LRRC1: variants seen among roughly 807,000 people sequenced by gnomAD.
LRRC1 encodes the protein leucine rich repeat containing 1.
A neutral mutation model predicts 69.9 loss-of-function variants in LRRC1; 28 were observed. The ratio of observed to expected loss-of-function variants is 0.40; its 90% CI spans 0.30 to 0.55. The LOEUF (loss-of-function observed/expected upper bound fraction) is 0.55. Among genes scored for constraint, LRRC1 ranks in the 20% least tolerant of loss-of-function variants. The pLI, the probability that LRRC1 is intolerant of heterozygous loss-of-function variation, is 0.47. For missense variants in LRRC1, 498 were observed against 609.0 expected (o/e 0.82, Z 1.92); for synonymous variants, 236 against 240.2 (o/e 0.98, Z 0.16).
At chr6:53,828,446 A>AG (rs1226219959) in intron 1 of LRRC1, among the ~76,000 whole-genome samples, 3 of 152,192 alleles carry the variant, frequency 2.0e-5, no homozygotes, top group African/African-American at 4.8e-5. Context: ...CAATATGTAC[A>AG]GCTGTTTCTC....
intron 1 of LRRC1, among the ~76,000 whole-genome samples, chr6:53,835,561 C>T (rs1765590655): frequency 6.6e-6 from 1 of 152,168 alleles, no homozygotes; most frequent in African/African-American, 2.4e-5. Context: ...TTGCTAAAAC[C>T]CTTTCAAACT....
At chr6:53,900,199 G>A (rs1768014116) in intron 8 of LRRC1, among the ~76,000 whole-genome samples, 1 of 151,882 alleles carries the variant, frequency 6.6e-6, no homozygotes, top group African/African-American at 2.4e-5. Context: ...CACCACGCCC[G>A]GGTAATTTTT....
chr6:53,871,875 C>A (rs966887938), intron 2 of LRRC1, among the ~76,000 whole-genome samples: 2 of 152,176 alleles, frequency 1.3e-5, no homozygotes, highest in Admixed American at 1.3e-4. Flanking sequence ...GCCATGTTAG[C>A]CAGGCTGGTC....
chr6:53,916,746 TTG>T (rs1768577222), intron 11 of LRRC1, among the ~76,000 whole-genome samples: 1 of 152,188 alleles, frequency 6.6e-6, no homozygotes. Context: ...TGAAACTACA[TTG>T]TAAGGCGTAT....
At chr6:53,887,827 A>G (rs1370797526) in intron 4 of LRRC1, among the ~76,000 whole-genome samples, 1 of 152,310 alleles carries the variant, frequency 6.6e-6, no homozygotes, top group East Asian at 1.9e-4. Context: ...ATGACTTTCT[A>G]TGTCACTGCA....
chr6:53,873,264 G>T lies in LRRC1; in HGVS notation c.278-5729G>T, dbSNP rs184223924. Among the ~76,000 whole-genome samples, 4 of 148,754 alleles carry T rather than the reference G, an allele frequency of 2.7e-5. No homozygotes were observed. The Admixed American group carries it at 2.7e-4, about 10-fold the overall frequency. On this transcript the variant is annotated intron_variant, in intron 2 of 13. Transcript: ENST00000370888. ...TTCTTTTTTAGGTAGTTCACCATTG[G>T]TGTATAGAAGTGCTACCGATTTTTC...
At chr6:53,799,040 G>C (rs1764389025) in intron 1 of LRRC1, among the ~76,000 whole-genome samples, 1 of 152,156 alleles carries the variant, frequency 6.6e-6, no homozygotes, top group Non-Finnish European at 1.5e-5. Context: ...GTGTTTTCCT[G>C]TAATCTCCAG....
At chr6:53,821,300 A>C (rs571521351) in intron 1 of LRRC1, among the ~76,000 whole-genome samples, 1 of 152,348 alleles carries the variant, frequency 6.6e-6, no homozygotes, top group South Asian at 2.1e-4. Context: ...TCTGGGTCCT[A>C]GCATAGGCAC....
intron 2 of LRRC1, among the ~76,000 whole-genome samples, chr6:53,869,531 T>A (rs1347990883): frequency 6.6e-6 from 1 of 152,236 alleles, no homozygotes; most frequent in Non-Finnish European, 1.5e-5. Context: ...TTCTTAGTGG[T>A]ACAATAGAGA....
intron 2 of LRRC1, among the ~76,000 whole-genome samples, chr6:53,869,482 G>A (rs529300504): frequency 3.3e-5 from 5 of 152,306 alleles, no homozygotes; most frequent in African/African-American, 1.2e-4. Flanking sequence ...CCTGCAAGCT[G>A]TATAGTATCT....
Position 53,795,433 on chromosome 6 carries a change from C to T in LRRC1, c.159+18C>T, listed in dbSNP as rs767297542. 3 of 1,601,510 alleles carry T rather than the reference C, an allele frequency of 1.9e-6. No individual in the cohort carries two copies. The highest frequency in any genetic ancestry group is 1.3e-5 in the African/African-American group (1 of 74,840). The stretch of plus-strand genomic sequence containing the variant: ...TGCCCGAGGTAAGGGTCCGGCCTCA[C>T]CTGAGCGCTCTGCCCGCTCGTCTGC... On this transcript the variant is annotated intron_variant, in intron 1 of 13. Coordinates refer to ENST00000370888, the MANE Select transcript of LRRC1 (RefSeq NM_018214.5).
At chr6:53,853,282 ATTTTTT>A (rs59868633) in intron 2 of LRRC1, among the ~76,000 whole-genome samples, 3 of 130,256 alleles carry the variant, frequency 2.3e-5, no homozygotes, top group African/African-American at 2.9e-5. Context: ...GGTGGTTCAT[ATTTTTT>A]TTTTTTTTTT....
intron 1 of LRRC1, among the ~76,000 whole-genome samples, chr6:53,820,596 C>G (rs912199340): frequency 6.6e-6 from 1 of 151,594 alleles, no homozygotes; most frequent in African/African-American, 2.4e-5. Flanking sequence ...CCTCCCCGCC[C>G]CCATTTTATT....
intron 8 of LRRC1, among the ~76,000 whole-genome samples, chr6:53,900,773 A>G (rs1397915787): frequency 2.6e-5 from 4 of 152,236 alleles, no homozygotes; most frequent in Non-Finnish European, 5.9e-5. Context: ...AATTAAACGC[A>G]GAGAAAGTAT....
chr6:53,823,487 G>A (rs1765171132), intron 1 of LRRC1, among the ~76,000 whole-genome samples: 1 of 152,064 alleles, frequency 6.6e-6, no homozygotes, highest in African/African-American at 2.4e-5. Flanking sequence ...GTAACATCAT[G>A]TTTTAACCTT....
At chr6:53,875,087 G>A (rs1767021348) in intron 2 of LRRC1, among the ~76,000 whole-genome samples, 1 of 152,194 alleles carries the variant, frequency 6.6e-6, no homozygotes, top group African/African-American at 2.4e-5. Context: ...GCTGATGAAA[G>A]TATAAGTGGG....
chr6:53,866,012 G>T (rs146189170), intron 2 of LRRC1, among the ~76,000 whole-genome samples: 3 of 152,142 alleles, frequency 2.0e-5, no homozygotes, highest in Admixed American at 6.5e-5. Context: ...GAACCACTGC[G>T]CCTGGCTAAG....
intron 10 of LRRC1, among the ~76,000 whole-genome samples, chr6:53,906,279 T>C (rs895190564): frequency 1.3e-5 from 2 of 152,234 alleles, no homozygotes; most frequent in African/African-American, 4.8e-5. Flanking sequence ...TGACCACTTA[T>C]GTAATGCAGG....
At chr6:53,896,736 C>A in intron 5 of LRRC1, 93 bp from the exon 6 acceptor site, 1 of 996,546 alleles carries the variant, frequency 1.0e-6, no homozygotes, top group Non-Finnish European at 1.5e-6. Flanking sequence ...TAAAAATGGA[C>A]CTTATTTTTG....
Sources: allele counts gnomAD v4.1 joint callset (sites outside exome capture counted in the v4.1 genomes callset), GRCh38; gene constraint gnomAD v4.1.1; transcripts MANE v1.5; gene names NCBI Gene and HGNC (gene_info 2026-07-23, HGNC 2026-07-21).